The following XYLB variants were observed in gnomAD, a reference collection of about 807,000 sequenced individuals.
XYLB encodes xylulokinase.
Under a neutral mutation model 78.7 loss-of-function variants are expected in XYLB, and 62 were observed. The observed-to-expected ratio is 0.79, with a 90% confidence interval of 0.64 to 0.97. The LOEUF (loss-of-function observed/expected upper bound fraction) is 0.97. Ranked by LOEUF, XYLB falls within the 50% of genes least tolerant of loss-of-function variation. XYLB has a pLI of 0.00. For missense variants in XYLB, 687 were observed against 676.8 expected, an observed-to-expected ratio of 1.02 and a Z score of -0.17; for synonymous variants, 245 against 247.4, an observed-to-expected ratio of 0.99 and a Z score of 0.09.
chr3:38,418,056 G>A (rs1484822785), downstream of XYLB, among the ~76,000 whole-genome samples: 2 of 150,876 alleles, frequency 1.3e-5, no homozygotes, highest in African/African-American at 2.4e-5. Context: ...TTAGGCAGGC[G>A]TGGTAGCAGA....
chr3:38,362,755 G>T (rs1481957767), intron 3 of XYLB, among the ~76,000 whole-genome samples, 182 bp from the exon 4 acceptor site: 1 of 152,154 alleles, frequency 6.6e-6, no homozygotes, highest in Non-Finnish European at 1.5e-5. Context: ...CTTTTTATTT[G>T]ATTGATGCCT....
chr3:38,382,200 G>A (rs534839498), intron 15 of XYLB, among the ~76,000 whole-genome samples: 1 of 152,300 alleles, frequency 6.6e-6, no homozygotes, highest in South Asian at 2.1e-4. Context: ...ACGAAAATTA[G>A]CCAGGCGTGG....
chr3:38,361,385 A>G (rs1443019007), intron 3 of XYLB, among the ~76,000 whole-genome samples: 3 of 152,218 alleles, frequency 2.0e-5, no homozygotes, highest in Non-Finnish European at 2.9e-5. Flanking sequence ...TCCAATACCT[A>G]TCTAACCAAT....
chr3:38,412,934 A>AGGTCTACGAGGCCCTTCTC lies in XYLB; in HGVS notation c.1534-1_1551dup. 6.2e-7 allele frequency: 1 copy of AGGTCTACGAGGCCCTTCTC among 1,602,068 alleles called. No homozygotes were observed. The highest frequency in any genetic ancestry group is 8.5e-7 in the Non-Finnish European group (1 of 1,174,982). On this transcript the variant is annotated splice_acceptor_variant, in intron 18 of 18. Coordinates refer to ENST00000207870, the MANE Select transcript of XYLB (RefSeq NM_005108.4). LOFTEE classifies it high-confidence loss of function. ...TCTAAACTGCTTTTTCTGCCCTTCT[A>AGGTCTACGAGGCCCTTCTC]GGTCTACGAGGCCCTTCTCCCCCAG...
chr3:38,419,603 T>TATATATATATATATATATATA (rs71085322), downstream of XYLB, among the ~76,000 whole-genome samples: 17 of 80,882 alleles, frequency 2.1e-4, no homozygotes, highest in Non-Finnish European at 4.1e-4. Flanking sequence ...TATATATATA[T>TATATATATATATATATATATA]AATAGCCATC....
At chr3:38,392,121 ACC>A (rs1012376604) in intron 15 of XYLB, among the ~76,000 whole-genome samples, 1 of 151,922 alleles carries the variant, frequency 6.6e-6, no homozygotes, top group African/African-American at 2.4e-5. Context: ...GGGTCTTGAG[ACC>A]CCTGCTGTCA....
At chr3:38,429,632 A>G in the XYLB span, among the ~76,000 whole-genome samples, 1 of 152,130 alleles carries the variant, frequency 6.6e-6, no homozygotes, top group Non-Finnish European at 1.5e-5. Flanking sequence ...ACATAAGTAT[A>G]TATGTATTTG....
chr3:38,429,122 C>G, the XYLB span, among the ~76,000 whole-genome samples: 1 of 152,310 alleles, frequency 6.6e-6, no homozygotes, highest in Non-Finnish European at 1.5e-5. Context: ...GTCTGACCAT[C>G]TCAATCCAAC....
At chr3:38,394,684 T>C (rs11710235) in intron 15 of XYLB, among the ~76,000 whole-genome samples, 17,620 of 152,280 alleles carry the variant, frequency 0.12, 1,343 homozygotes, top group Admixed American at 0.16. Context: ...TATTCTCTTA[T>C]ACAGTTTCTT....
chr3:38,358,143 A>C (rs563328273), intron 2 of XYLB, among the ~76,000 whole-genome samples: 2 of 148,182 alleles, frequency 1.3e-5, no homozygotes, highest in Non-Finnish European at 3.0e-5. Flanking sequence ...AATAATTGGA[A>C]AAATTTTCCT....
At chr3:38,428,195 TA>T in the XYLB span, among the ~76,000 whole-genome samples, 1 of 152,238 alleles carries the variant, frequency 6.6e-6, no homozygotes, top group Admixed American at 6.5e-5. Context: ...ATGCTCTGCA[TA>T]AATTCAAGTT....
At chr3:38,383,857 G>A (rs536805739) in intron 15 of XYLB, among the ~76,000 whole-genome samples, 12 of 152,222 alleles carry the variant, frequency 7.9e-5, no homozygotes, top group Admixed American at 2.6e-4. Context: ...ATCATTTAGG[G>A]ACATTTTCTC....
chr3:38,375,034 G>A, intron 11 of XYLB, 110 bp from the exon 12 acceptor site: 1 of 844,822 alleles, frequency 1.2e-6, no homozygotes, highest in South Asian at 1.7e-5. Flanking sequence ...GAGGTCTGCA[G>A]CATGAGTGAA....
chr3:38,387,169 TG>T (rs1259597213), intron 15 of XYLB, among the ~76,000 whole-genome samples: 1 of 152,210 alleles, frequency 6.6e-6, no homozygotes, highest in African/African-American at 2.4e-5. Flanking sequence ...CTTGGATCTG[TG>T]GGTTAATGTC....
chr3:38,447,433 A>G, the XYLB span, among the ~76,000 whole-genome samples: 5 of 150,376 alleles, frequency 3.3e-5, no homozygotes. Context: ...CCTCCTGAAG[A>G]GCCGAGACCA....
the XYLB span, among the ~76,000 whole-genome samples, chr3:38,439,078 C>T: frequency 6.6e-6 from 1 of 152,130 alleles, no homozygotes; most frequent in Non-Finnish European, 1.5e-5. Flanking sequence ...CCCACCCAAC[C>T]CAGAAGTCCA....
rs1559575720 is a variant in XYLB at position 38,358,346 on chromosome 3, TGTGTGTGTGTG to T, written c.141-1992_141-1982del. On this transcript the variant is annotated intron_variant, in intron 2 of 18. Coordinates refer to ENST00000207870, the MANE Select transcript of XYLB (RefSeq NM_005108.4). Reference sequence around the variant, plus strand: ...GTGTGTGTGTGTGTGTGTGTGTGTGTGTGTGTGTGTGTTTGAGACAGAGCCTTGCTCTGTTG... The same window carrying T: ...GTGTGTGTGTGTGTGTGTGTGTGTGTTTTGAGACAGAGCCTTGCTCTGTTG... Among the ~76,000 whole-genome samples, 892 of 92,818 alleles carry T rather than the reference TGTGTGTGTGTG, an allele frequency of 9.6e-3. 13 individuals are homozygous for T. The highest frequency in any genetic ancestry group is 0.027 in the African/African-American group (789 of 28,770). 60.9% of individuals were successfully genotyped at this position (92,818 alleles called of 152,430 possible).
rs752354102 is a variant in XYLB, at chr3:38,366,780, T to C, written c.508-28T>C. The C allele has an allele frequency of 4.6e-6, 7 of 1,538,200 alleles. No homozygotes were observed. The South Asian group carries it at 7.8e-5, about 17-fold the overall frequency. On this transcript the variant is annotated intron_variant, in intron 6 of 18. Coordinates refer to ENST00000207870, the MANE Select transcript of XYLB (RefSeq NM_005108.4). ...TTGTTCATTCTGTGTAGGATTTGGGTTCCTAAGAATTTATATTCCTTTTCC... is the reference window on the plus strand; with the variant it reads ...TTGTTCATTCTGTGTAGGATTTGGGCTCCTAAGAATTTATATTCCTTTTCC...
In XYLB at chr3:38,365,266, G is replaced by A. The variant is rs1322196849; in HGVS notation, c.359G>A (p.Arg120Gln). 4 of 1,614,188 alleles carry A rather than the reference G, an allele frequency of 2.5e-6. No individual in the cohort carries two copies. Among genetic ancestry groups the A allele is most frequent in the East Asian group, 4.5e-5 (2 of 44,886 alleles). Residue 120 changes from arginine to glutamine, a missense_variant, in exon 5 of 19, where the codon CGG becomes CAG. Coordinates refer to ENST00000207870, the MANE Select transcript of XYLB (RefSeq NM_005108.4). Reference protein sequence around the residue: ...QALTSLSPDLRLHQQLQDCFS... With the variant: ...QALTSLSPDLQLHQQLQDCFS... ...CTGACAAGCTTATCACCAGACCTCC[G>A]GCTACACCAGCAGCTGCAGGTAACT...
Sources: allele counts gnomAD v4.1 joint callset (sites outside exome capture counted in the v4.1 genomes callset), GRCh38; gene constraint gnomAD v4.1.1; transcripts MANE v1.5; gene names NCBI Gene and HGNC (gene_info 2026-07-23, HGNC 2026-07-21).